ACOX2: variants seen among roughly 807,000 people sequenced by gnomAD.
ACOX2 encodes acyl-CoA oxidase 2.
ACOX2 carries 59 observed loss-of-function variants against 77.5 expected under a neutral mutation model. That is an observed-to-expected ratio of 0.76 (90% CI 0.62 to 0.95). The LOEUF (loss-of-function observed/expected upper bound fraction) is 0.95, where lower values mean the gene tolerates loss of function less well. Ranked by LOEUF, ACOX2 falls within the 40% of genes least tolerant of loss-of-function variation. The pLI, the probability that ACOX2 is intolerant of heterozygous loss-of-function variation, is 0.00. For synonymous variants in ACOX2, 317 were observed against 340.1 expected (o/e 0.93, Z 0.75); for missense variants, 837 against 880.4 (o/e 0.95, Z 0.62).
In ACOX2 at chr3:58,508,994, C is replaced by G; in HGVS notation, c.1882G>C (p.Asp628His). ...KDAILLTDAF[D>H]FTDQCLNSAL... ...GAATTTAAACACTGATCGGTGAAGT[C>G]AAAAGCATCAGTTAACAGGATGGCA... Residue 628 changes from aspartate to histidine, a missense_variant, in exon 14 of 15, where the codon GAC becomes CAC. Physicochemically the swap from Asp to His is moderately conservative, Grantham distance 81. Transcript: ENST00000302819. 1 of 1,614,122 alleles carries G rather than the reference C, an allele frequency of 6.2e-7. No homozygotes were observed. The highest frequency in any genetic ancestry group is 8.5e-7 in the Non-Finnish European group (1 of 1,180,018).
At position 58,534,397 on chromosome 3, in the gene ACOX2, A is replaced by G; in HGVS notation, c.286T>C (p.Trp96Arg). ...HIRLIARRLG[W>R]LEDGRELGYA... is the part of the protein sequence containing the mutation. ...CCTAATTCACGACCATCTTCTAACC[A>G]ACCCAGGCGCCGAGCTATCAACCGG... is the stretch of plus-strand genomic sequence containing the variant. The change falls in exon 3 of 15, where the codon TGG becomes CGG. Residue 96 changes from tryptophan (W) to arginine (R), a missense_variant. Trp to Arg is a moderately radical substitution (Grantham distance 101). Coordinates refer to ENST00000302819, the MANE Select transcript of ACOX2 (RefSeq NM_003500.4). This position sits in a 1 kb window ranked among gnomAD's most constrained non-coding sequence, Gnocchi z 4.8. 6.2e-7 allele frequency: 1 copy of G among 1,614,144 alleles called. No homozygotes were observed. Among genetic ancestry groups the G allele is most frequent in the Non-Finnish European group, 8.5e-7 (1 of 1,180,034 alleles).
rs1452099306 is a variant in ACOX2, at chr3:58,534,419, C to T, written c.264G>A (p.Arg88=). 1.2e-6 allele frequency: 2 copies of T among 1,614,092 alleles called. No individual in the cohort carries two copies. The highest frequency in any genetic ancestry group is 1.7e-6 in the Non-Finnish European group (2 of 1,180,052). The part of the protein sequence containing the change: ...KAAMRRAFHI[R]LIARRLGWLE... ...ACCAACCCAGGCGCCGAGCTATCAA[C>T]CGGATGTGGAATGCCCTCCGCATGG... The change falls in exon 3 of 15, where the codon CGG becomes CGA. Residue 88 remains arginine (R), a synonymous_variant. Transcript: ENST00000302819. This position sits in a 1 kb window ranked among gnomAD's most constrained non-coding sequence, Gnocchi z 4.8.
chr3:58,534,400 C>T lies in ACOX2; in HGVS notation c.283G>A (p.Gly95Ser). The T allele has an allele frequency of 6.2e-7, 1 of 1,614,182 alleles. No homozygotes were observed. The stretch of plus-strand genomic sequence containing the variant: ...AATTCACGACCATCTTCTAACCAAC[C>T]CAGGCGCCGAGCTATCAACCGGATG... The part of the protein sequence containing the change: ...FHIRLIARRL[G>S]WLEDGRELGY... The change falls in exon 3 of 15, where the codon GGT becomes AGT. Residue 95 changes from glycine (G) to serine (S), a missense_variant. Coordinates refer to ENST00000302819, the MANE Select transcript of ACOX2 (RefSeq NM_003500.4). The surrounding 1 kb of genome is among the most constrained non-coding windows in gnomAD (Gnocchi z 4.8).
In ACOX2 at chr3:58,530,395, G is replaced by T. The variant is rs1484729286; in HGVS notation, c.992+71C>A. On this transcript the variant is annotated intron_variant, in intron 8 of 14. Coordinates refer to ENST00000302819, the MANE Select transcript of ACOX2 (RefSeq NM_003500.4). ...GCACTCTGGCTCTGGCAGAAGGGTG[G>T]TGTCAGGGGGAGGCACTGTGGGACC... The T allele has an allele frequency of 4.5e-6, 7 of 1,559,486 alleles. No homozygotes were observed. The African/African-American group carries it at 8.1e-5, about 18-fold the overall frequency.
intron 13 of ACOX2, among the ~76,000 whole-genome samples, chr3:58,510,709 T>TACAC (rs60942766): frequency 0.072 from 518 of 7,182 alleles, 23 homozygotes; most frequent in Middle Eastern, 0.25. Flanking sequence ...TATATATATA[T>TACAC]ACACACACAC....
rs1345137117 is a variant in ACOX2, at chr3:58,531,225, G to A, written c.819+26C>T. ...CAGGTCCCCTCTCCAGGAAGTACAA[G>A]TCCCCGGCCTCCCCAGATCTGTAAC... On this transcript the variant is annotated intron_variant, in intron 7 of 14. Transcript: ENST00000302819. The surrounding 1 kb of genome is among the most constrained non-coding windows in gnomAD (Gnocchi z 5.8). 1.9e-6 allele frequency: 3 copies of A among 1,599,432 alleles called. No homozygotes were observed. Among genetic ancestry groups the A allele is most frequent in the Non-Finnish European group, 2.6e-6 (3 of 1,169,626 alleles).
In ACOX2 at chr3:58,528,324, G is replaced by A. The variant is rs1347029204; in HGVS notation, c.1155+470C>T. Reference sequence around the variant, plus strand: ...TGTTTAGGAATCAGAGTAACTTTTGGATTATAGAGAGGCCAAGTGGCATTT... The same window carrying A: ...TGTTTAGGAATCAGAGTAACTTTTGAATTATAGAGAGGCCAAGTGGCATTT... On this transcript the variant is annotated intron_variant, in intron 9 of 14. Transcript: ENST00000302819. The surrounding 1 kb of genome is among the most constrained non-coding windows in gnomAD (Gnocchi z 5.6). 6.6e-6 allele frequency among the ~76,000 whole-genome samples: 1 copy of A among 152,206 alleles called. No individual in the cohort carries two copies. Among genetic ancestry groups the A allele is most frequent in the Non-Finnish European group, 1.5e-5 (1 of 68,046 alleles).
At chr3:58,507,854 G>T (rs960136455) in intron 14 of ACOX2, among the ~76,000 whole-genome samples, 8 of 152,172 alleles carry the variant, frequency 5.3e-5, no homozygotes, top group Non-Finnish European at 1.0e-4. Context: ...AAGCCATGTG[G>T]TATGACAGGC....
intron 14 of ACOX2, among the ~76,000 whole-genome samples, chr3:58,507,907 A>G (rs2107983358): frequency 1.3e-5 from 2 of 152,320 alleles, no homozygotes; most frequent in South Asian, 4.1e-4. Context: ...CTGGGTGTGA[A>G]TGAAAGCCTG....
At position 58,531,107 on chromosome 3, in the gene ACOX2, A is replaced by C; in HGVS notation, c.819+144T>G. The C allele has an allele frequency of 1.4e-6, 1 of 696,878 alleles. No individual in the cohort carries two copies. Among genetic ancestry groups the C allele is most frequent in the Non-Finnish European group, 2.4e-6 (1 of 412,386 alleles). The allele number at this position is 696,878 out of a possible 1,614,324, so 43.2% of individuals were successfully genotyped here. On this transcript the variant is annotated intron_variant, in intron 7 of 14. Coordinates refer to ENST00000302819, the MANE Select transcript of ACOX2 (RefSeq NM_003500.4). This position sits in a 1 kb window ranked among gnomAD's most constrained non-coding sequence, Gnocchi z 5.8. ...TGCTCCTAAGCAGGGGTTTCACCCC[A>C]ATCTGTGGGATATCAGAGCCTCTCT...
In ACOX2 at chr3:58,515,032, T is replaced by C. The variant is rs1252387091; in HGVS notation, c.1850+2174A>G. Among the ~76,000 whole-genome samples the C allele has an allele frequency of 6.6e-6, 1 of 152,204 alleles. No individual in the cohort carries two copies. Among genetic ancestry groups the C allele is most frequent in the African/African-American group, 2.4e-5 (1 of 41,444 alleles). ...ATGATTTAACTGAACAAACTTTTTT[T>C]TTTTTCTTGAGATGGAGTCTCACTC... On this transcript the variant is annotated intron_variant, in intron 13 of 14. Coordinates refer to ENST00000302819, the MANE Select transcript of ACOX2 (RefSeq NM_003500.4). This position sits in a 1 kb window ranked among gnomAD's most constrained non-coding sequence, Gnocchi z 4.0.
intron 13 of ACOX2, among the ~76,000 whole-genome samples, chr3:58,510,709 T>TACACAC (rs60942766): frequency 0.03 from 218 of 7,220 alleles, 9 homozygotes; most frequent in Non-Finnish European, 0.04. Flanking sequence ...TATATATATA[T>TACACAC]ACACACACAC....
At chr3:58,510,858 A>G in intron 13 of ACOX2, 2 of 400,240 alleles carry the variant, frequency 5.0e-6, no homozygotes, top group South Asian at 1.9e-5. Flanking sequence ...GGAAAAAACA[A>G]TCATAACTGG....
At position 58,526,637 on chromosome 3, in the gene ACOX2, C is replaced by T. The variant is rs1377240595; in HGVS notation, c.1175G>A (p.Gly392Asp). ...FLPELHALST[G>D]MKAMMSEFCT... ...GAATTCTGACATCATGGCCTTCATG[C>T]CCGTGCTCAGTGCGTGGAGCTGTGA... is the stretch of plus-strand genomic sequence containing the variant. Residue 392 changes from glycine (G) to aspartate (D), a missense_variant, in exon 10 of 15, where the codon GGC becomes GAC. Coordinates refer to ENST00000302819, the MANE Select transcript of ACOX2 (RefSeq NM_003500.4). This position sits in a 1 kb window ranked among gnomAD's most constrained non-coding sequence, Gnocchi z 4.3. 5.0e-6 allele frequency: 8 copies of T among 1,613,884 alleles called. No individual in the cohort carries two copies. Among genetic ancestry groups the T allele is most frequent in the African/African-American group, 4.0e-5 (3 of 74,926 alleles).
At chr3:58,511,324 G>C (rs1163874666) in intron 13 of ACOX2, 2 of 196,670 alleles carry the variant, frequency 1.0e-5, no homozygotes, top group African/African-American at 8.2e-5. Flanking sequence ...GCAAGTTCAT[G>C]AAAAAGTGGG....
At position 58,505,388 on chromosome 3, in the gene ACOX2, G is replaced by C; in HGVS notation, c.1984-102C>G. 1.1e-6 allele frequency: 1 copy of C among 921,702 alleles called. No homozygotes were observed. 57.1% of individuals were successfully genotyped at this position (921,702 alleles called of 1,614,324 possible). ...CTCTAGCTTCAAAAAGTAACATTACGTAAGATTCTTAATTTTAAAAATTAT... is the reference window on the plus strand; with the variant it reads ...CTCTAGCTTCAAAAAGTAACATTACCTAAGATTCTTAATTTTAAAAATTAT... On this transcript the variant is annotated intron_variant, in intron 14 of 14. Transcript: ENST00000302819. This position sits in a 1 kb window ranked among gnomAD's most constrained non-coding sequence, Gnocchi z 4.4.
In ACOX2 at chr3:58,534,958, C is replaced by T. The variant is rs763287775; in HGVS notation, c.149G>A (p.Arg50His). ...CAGCTTCCCCTTACCAACTTTCCTG[C>T]GGAGTGCAGTGTTCTGGGCACCTCC... ...LDGGAQNTALRRKVESIIHSY... is the reference protein window; with the variant it reads ...LDGGAQNTALHRKVESIIHSY... Residue 50 changes from arginine (R) to histidine (H), a missense_variant, in exon 2 of 15, where the codon CGC (arginine) becomes CAC (histidine). Arg to His is a conservative substitution (Grantham distance 29, BLOSUM62 0). Coordinates refer to ENST00000302819, the MANE Select transcript of ACOX2 (RefSeq NM_003500.4). The surrounding 1 kb of genome is among the most constrained non-coding windows in gnomAD (Gnocchi z 4.8). The T allele has an allele frequency of 2.0e-5, 32 of 1,614,066 alleles. No homozygotes were observed. Among genetic ancestry groups the T allele is most frequent in the Admixed American group, 3.3e-5 (2 of 59,996 alleles).
At position 58,534,882 on chromosome 3, in the gene ACOX2, G is replaced by A. The variant is rs2063469616; in HGVS notation, c.160+65C>T. On this transcript the variant is annotated intron_variant, in intron 2 of 14. Transcript: ENST00000302819. The surrounding 1 kb of genome is among the most constrained non-coding windows in gnomAD (Gnocchi z 4.8). ...ATTTGGAAGCAGAACTGCTAATGAA[G>A]GACTCTTCTTACAAGAGAAGCATGG... is the stretch of plus-strand genomic sequence containing the variant. 6 of 1,602,184 alleles carry A rather than the reference G, an allele frequency of 3.7e-6. No homozygotes were observed. The highest frequency in any genetic ancestry group is 2.2e-5 in the East Asian group (1 of 44,734).
rs1375695887 is a variant in ACOX2, at chr3:58,535,298, C to G, written c.-91-101G>C. The G allele has an allele frequency of 1.6e-6, 1 of 640,422 alleles. No homozygotes were observed. The highest frequency in any genetic ancestry group is 1.8e-5 in the African/African-American group (1 of 55,082). The allele number at this position is 640,422 out of a possible 1,614,324, so 39.7% of individuals were successfully genotyped here. ...CTGAATGCCACTCCACCTCCCCACT[C>G]CCCCTGTGGACACTGGCTGTGGACC... On this transcript the variant is annotated intron_variant, in intron 1 of 14. Coordinates refer to ENST00000302819, the MANE Select transcript of ACOX2 (RefSeq NM_003500.4). This position sits in a 1 kb window ranked among gnomAD's most constrained non-coding sequence, Gnocchi z 4.8.
Sources: gnomAD v4.1 joint callset for allele counts (sites outside exome capture counted in the v4.1 genomes callset) on GRCh38, gnomAD v4.1.1 for gene constraint, Gnocchi (gnomAD v3.1) non-coding constraint, MANE v1.5 for transcripts, NCBI Gene and HGNC (gene_info 2026-07-23, HGNC 2026-07-21) for gene names.